The following PACS2 variants were observed in gnomAD, a reference collection of about 807,000 sequenced individuals.
PACS2 encodes PACS1-like protein.
A neutral mutation model predicts 113.0 loss-of-function variants in PACS2; 36 were observed. The ratio of observed to expected loss-of-function variants is 0.32; its 90% confidence interval spans 0.24 to 0.42. PACS2 has a LOEUF of 0.42. PACS2 is among the 10% of genes least tolerant of loss of function. The pLI is 1.00. For synonymous variants in PACS2, 589 were observed against 536.1 expected, an observed-to-expected ratio of 1.10 and a Z score of -1.36; for missense variants, 1,015 against 1,239.5, an observed-to-expected ratio of 0.82 and a Z score of 2.72.
intron 1 of PACS2, among the ~76,000 whole-genome samples, chr14:105,301,607 C>T (rs1474875281): frequency 6.6e-6 from 1 of 152,250 alleles, no homozygotes; most frequent in Non-Finnish European, 1.5e-5. Context: ...GCGGCGTCCG[C>T]CGCTCCGCTC....
chr14:105,301,397 G>A (rs587692977), intron 1 of PACS2: 1 of 151,974 alleles, frequency 6.6e-6, no homozygotes, highest in African/African-American at 2.4e-5. Flanking sequence ...GGCGGAGCCT[G>A]GGTCTGGACC....
At chr14:105,339,297 A>G (rs1555401139) in intron 1 of PACS2, among the ~76,000 whole-genome samples, 7 of 151,904 alleles carry the variant, frequency 4.6e-5, no homozygotes. Flanking sequence ...ACCTGAGGTC[A>G]GGAGTTTGAG....
chr14:105,370,476 GC>G (rs2061110373), intron 8 of PACS2: 4 of 152,300 alleles, frequency 2.6e-5, no homozygotes, highest in African/African-American at 9.6e-5. Context: ...ACTTTGGGAG[GC>G]CAAGGCAGGC....
Position 105,358,218 on chromosome 14 carries a change from C to T in PACS2, c.423+3041C>T, listed in dbSNP as rs139921297. Among the ~76,000 whole-genome samples the T allele has an allele frequency of 8.1e-4, 124 of 152,262 alleles. 1 individual carries two copies. In the East Asian group the frequency reaches 0.015, roughly 18 times the overall value. On this transcript the variant is annotated intron_variant, in intron 4 of 24. Transcript: ENST00000447393. This position sits in a 1 kb window ranked among gnomAD's most constrained non-coding sequence, Gnocchi z 4.9. ...GTCCAAGGTGGCCCAGGGTAGGGGC[C>T]GGGCCTCATGGGTGCCAGGAGCTGG...
chr14:105,392,775 C>T lies in PACS2; in HGVS notation c.2412C>T (p.Pro804=). 2 of 1,611,524 alleles carry T rather than the reference C, an allele frequency of 1.2e-6. No homozygotes were observed. The highest frequency in any genetic ancestry group is 1.7e-5 in the Admixed American group (1 of 60,016). The change falls in exon 23 of 25, where the codon CCC becomes CCT. Residue 804 remains proline, a synonymous_variant. Transcript: ENST00000447393. The part of the protein sequence containing the change: ...TFRSLQVSRL[P]SSGEAAATPT... ...GGTCCCTCCAGGTCAGCAGGCTGCC[C>T]AGCAGCGGCGAGGCTGCAGCCACGC...
chr14:105,303,957 C>T (rs587766744), intron 1 of PACS2, among the ~76,000 whole-genome samples: 1 of 152,354 alleles, frequency 6.6e-6, no homozygotes, highest in Admixed American at 6.5e-5. Context: ...AAGCCAGAAT[C>T]CAATCTGAGG....
chr14:105,350,240 G>T (rs1004970853), intron 2 of PACS2, among the ~76,000 whole-genome samples: 2 of 152,178 alleles, frequency 1.3e-5, no homozygotes, highest in East Asian at 1.9e-4. Flanking sequence ...CTCTTGGCTT[G>T]GGGGGCAGGG....
upstream of PACS2, among the ~76,000 whole-genome samples, chr14:105,311,055 C>T (rs1206850599): frequency 2.0e-5 from 3 of 151,610 alleles, no homozygotes; most frequent in Admixed American, 1.3e-4. Context: ...TGGGTTCAAG[C>T]GATTCTCCTG....
intron 8 of PACS2, among the ~76,000 whole-genome samples, chr14:105,373,549 G>T (rs1353251313): frequency 2.6e-5 from 4 of 152,268 alleles, no homozygotes; most frequent in Non-Finnish European, 5.9e-5. Flanking sequence ...GGTGGCACAT[G>T]CCTGTAACCC....
rs1250580785 is a variant in PACS2 at position 105,365,433 on chromosome 14, A to G, written c.424-1780A>G. On this transcript the variant is annotated intron_variant, in intron 4 of 24. Transcript: ENST00000447393. This position sits in a 1 kb window ranked among gnomAD's most constrained non-coding sequence, Gnocchi z 5.1. ...GGCTGAGTGGAGCGGGGGCTAATCA[A>G]CAACCCGCCCCTGGCCCGCTGCGGG... Among the ~76,000 whole-genome samples, 2 of 152,088 alleles carry G rather than the reference A, an allele frequency of 1.3e-5. No homozygotes were observed. The highest frequency in any genetic ancestry group is 2.4e-5 in the African/African-American group (1 of 41,422).
rs184247395 is a variant in PACS2 at position 105,325,886 on chromosome 14, C to G, written c.119+10849C>G. ...AGCTTGGCCCCTCTGCTGGGCCCCT[C>G]CTCCATGCCTTTGTTTACTCTCCAA... On this transcript the variant is annotated intron_variant, in intron 1 of 24. Transcript: ENST00000447393. 5.3e-5 allele frequency among the ~76,000 whole-genome samples: 8 copies of G among 152,372 alleles called. No homozygotes were observed. The East Asian group carries it at 1.3e-3, about 26-fold the overall frequency.
intron 18 of PACS2, 41 bp from the exon 19 acceptor site, chr14:105,385,644 C>T (rs1420954061): frequency 1.4e-5 from 21 of 1,471,948 alleles, no homozygotes; most frequent in South Asian, 2.6e-5. Context: ...CTGAGGGCGT[C>T]GTAACGTGTC....
chr14:105,304,681 T>C (rs1158435510), intron 1 of PACS2, among the ~76,000 whole-genome samples: 1 of 152,164 alleles, frequency 6.6e-6, no homozygotes, highest in Non-Finnish European at 1.5e-5. Context: ...ACTGGGCGAT[T>C]AACAAACAAA....
intron 4 of PACS2, among the ~76,000 whole-genome samples, chr14:105,361,690 C>G (rs139875877): frequency 6.6e-6 from 1 of 151,978 alleles, no homozygotes; most frequent in African/African-American, 2.4e-5. Flanking sequence ...TGGCTCACGC[C>G]GGTAATCCCA....
At chr14:105,373,065 T>C (rs956127098) in intron 8 of PACS2, 1 of 152,220 alleles carries the variant, frequency 6.6e-6, no homozygotes, top group African/African-American at 2.4e-5. Flanking sequence ...CTATGAAACA[T>C]TTTTTAAAGA....
intron 19 of PACS2, 178 bp from the exon 20 acceptor site, chr14:105,389,783 C>T (rs781920453): frequency 6.1e-6 from 4 of 657,446 alleles, no homozygotes; most frequent in Middle Eastern, 8.3e-4. Context: ...CAGGCCAGGG[C>T]TGGCAGTGGT....
chr14:105,305,799 G>A (rs1667547715), intron 1 of PACS2, among the ~76,000 whole-genome samples: 1 of 152,242 alleles, frequency 6.6e-6, no homozygotes, highest in African/African-American at 2.4e-5. Flanking sequence ...CGGCCAAGGG[G>A]CACCAGTGCC....
At chr14:105,344,189 T>C (rs1455825876) in intron 1 of PACS2, among the ~76,000 whole-genome samples, 2 of 151,786 alleles carry the variant, frequency 1.3e-5, no homozygotes, top group Non-Finnish European at 2.9e-5. Context: ...AGTGTTGGGA[T>C]TACAGGCATG....
intron 4 of PACS2, among the ~76,000 whole-genome samples, chr14:105,364,719 CG>C (rs2060884636): frequency 8.3e-6 from 1 of 121,042 alleles, no homozygotes; most frequent in Non-Finnish European, 1.6e-5. Flanking sequence ...TTTTTTGAGA[CG>C]GGGTCTTACT....
Sources: allele counts gnomAD v4.1 joint callset (sites outside exome capture counted in the v4.1 genomes callset), GRCh38; gene constraint gnomAD v4.1.1; non-coding constraint Gnocchi (gnomAD v3.1); transcripts MANE v1.5; gene names NCBI Gene and HGNC (gene_info 2026-07-23, HGNC 2026-07-21).